Variants in ELF3 observed in about 807,000 individuals in gnomAD.
ELF3 encodes ETS-related transcription factor Elf-3.
In ELF3, 18 loss-of-function variants were observed where a neutral mutation model predicts 43.9. The ratio of observed to expected loss-of-function variants is 0.41; its 90% CI spans 0.28 to 0.61. The LOEUF (loss-of-function observed/expected upper bound fraction) is 0.61, where lower values mean the gene tolerates loss of function less well. Among genes scored for constraint, ELF3 ranks in the 20% least tolerant of loss-of-function variants. ELF3 has a pLI of 0.30. For synonymous variants in ELF3, 181 were observed against 190.2 expected, an observed-to-expected ratio of 0.95 and a Z score of 0.40; for missense variants, 373 against 487.7, an observed-to-expected ratio of 0.76 and a Z score of 2.21.
chr1:202,015,360 A>G lies in ELF3; in HGVS notation c.*37A>G. On this transcript the variant is annotated 3_prime_UTR_variant, in exon 9 of 9. Coordinates refer to ENST00000367284, the MANE Select transcript of ELF3 (RefSeq NM_004433.5). Reference sequence around the variant, plus strand: ...ATACCCGGGACCAAACTCACGGACCACTCGAGGCCTGCAAACCTTCCTGGG... The same window carrying G: ...ATACCCGGGACCAAACTCACGGACCGCTCGAGGCCTGCAAACCTTCCTGGG... The G allele has an allele frequency of 6.2e-7, 1 of 1,606,052 alleles. No individual in the cohort carries two copies. The highest frequency in any genetic ancestry group is 1.1e-5 in the South Asian group (1 of 90,706).
chr1:202,012,002 C>T lies in ELF3; in HGVS notation c.209C>T (p.Thr70Met), dbSNP rs141663834. Residue 70 changes from threonine (T) to methionine (M), a missense_variant, in exon 3 of 9, where the codon ACG becomes ATG. Around this residue, in one of 3 missense-constraint regions of ELF3, gnomAD observed 311 missense variants for 351.2 expected, o/e 0.89. Transcript: ENST00000367284. The surrounding 1 kb of genome is among the most constrained non-coding windows in gnomAD (Gnocchi z 4.2). ...LGEQPQFWSK[T>M]QVLDWISYQV... ...GAACAGCCCCAGTTCTGGTCGAAGA[C>T]GCAGGTTCTGGACTGGATCAGCTAC... The T allele has an allele frequency of 7.9e-5, 128 of 1,614,136 alleles. No homozygotes were observed. Among genetic ancestry groups the T allele is most frequent in the African/African-American group, 5.5e-4 (41 of 75,060 alleles).
At position 202,013,224 on chromosome 1, in the gene ELF3, A is replaced by G; in HGVS notation, c.731A>G (p.Lys244Arg). Residue 244 changes from lysine to arginine, a missense_variant, in exon 7 of 9, where the codon AAG (lysine) becomes AGG (arginine). This residue lies in a region of ELF3 where 311 missense variants were observed against 351.2 expected (regional missense o/e 0.89). Coordinates refer to ENST00000367284, the MANE Select transcript of ELF3 (RefSeq NM_004433.5). The surrounding 1 kb of genome is among the most constrained non-coding windows in gnomAD (Gnocchi z 5.7). ...DCKKGDPKHG[K>R]RKRGRPRKLS... ...AAGAAGGGGGATCCCAAGCACGGGAAGCGGAAACGAGGCCGGCCCCGAAAG... is the reference window on the plus strand; with the variant it reads ...AAGAAGGGGGATCCCAAGCACGGGAGGCGGAAACGAGGCCGGCCCCGAAAG... The G allele has an allele frequency of 6.2e-7, 1 of 1,614,082 alleles. No homozygotes were observed. Among genetic ancestry groups the G allele is most frequent in the African/African-American group, 1.3e-5 (1 of 75,022 alleles).
rs2102995899 is a variant in ELF3 at position 202,016,529 on chromosome 1, A to C, written c.*1206A>C. ...TTAGGATCTTGTAAAGGAAAAAAAA[A>C]AAAAAACAAAACAAAATGGAGATGA... On this transcript the variant is annotated 3_prime_UTR_variant, in exon 9 of 9. Transcript: ENST00000367284. The C allele has an allele frequency of 6.6e-6, 1 of 152,036 alleles. No individual in the cohort carries two copies. Among genetic ancestry groups the C allele is most frequent in the African/African-American group, 2.4e-5 (1 of 41,510 alleles). The allele number at this position is 152,036 out of a possible 1,614,324, so 9.4% of individuals were successfully genotyped here.
chr1:202,013,396 G>C lies in ELF3; in HGVS notation c.805+98G>C. The stretch of plus-strand genomic sequence containing the variant: ...AGGTATCCCTTCTCCCGTTTTCTCT[G>C]GCCTCCGCATGGCCTTTGGTAAGGC... On this transcript the variant is annotated intron_variant, in intron 7 of 8. Coordinates refer to ENST00000367284, the MANE Select transcript of ELF3 (RefSeq NM_004433.5). This position sits in a 1 kb window ranked among gnomAD's most constrained non-coding sequence, Gnocchi z 5.7. 1 of 1,261,480 alleles carries C rather than the reference G, an allele frequency of 7.9e-7. No homozygotes were observed. Among genetic ancestry groups the C allele is most frequent in the Non-Finnish European group, 1.1e-6 (1 of 885,054 alleles). The allele number at this position is 1,261,480 out of a possible 1,614,324, so 78.1% of individuals were successfully genotyped here.
rs1205496430 is a variant in ELF3 at position 202,013,543 on chromosome 1, G to C, written c.805+245G>C. ...GGGAGGCTCATGGTACCAGAGTCCT[G>C]TCCACTGACTCCAGTGTCCTGTCCA... On this transcript the variant is annotated intron_variant, in intron 7 of 8. Transcript: ENST00000367284. This position sits in a 1 kb window ranked among gnomAD's most constrained non-coding sequence, Gnocchi z 5.7. Among the ~76,000 whole-genome samples the C allele has an allele frequency of 6.6e-6, 1 of 152,002 alleles. No individual in the cohort carries two copies. Among genetic ancestry groups the C allele is most frequent in the Admixed American group, 6.5e-5 (1 of 15,278 alleles).
In ELF3 at chr1:202,010,887, C is replaced by A; in HGVS notation, c.-9+181C>A. 1 of 511,866 alleles carries A rather than the reference C, an allele frequency of 2.0e-6. No individual in the cohort carries two copies. Among genetic ancestry groups the A allele is most frequent in the East Asian group, 3.7e-5 (1 of 27,006 alleles). The allele number at this position is 511,866 out of a possible 1,614,324, so 31.7% of individuals were successfully genotyped here. A position where few individuals can be genotyped will look rare whatever the true frequency, so the allele number is the denominator to read the frequency against. ...TGGGAAGGCAGAATGGCCATGACGC[C>A]GCTAGTCTGGCTCCAGGGCCCCAGA... On this transcript the variant is annotated intron_variant, in intron 1 of 8. Coordinates refer to ENST00000367284, the MANE Select transcript of ELF3 (RefSeq NM_004433.5). The surrounding 1 kb of genome is among the most constrained non-coding windows in gnomAD (Gnocchi z 4.3).
chr1:202,013,351 G>A lies in ELF3; in HGVS notation c.805+53G>A. The A allele has an allele frequency of 1.3e-6, 2 of 1,558,510 alleles. No homozygotes were observed. Among genetic ancestry groups the A allele is most frequent in the South Asian group, 1.1e-5 (1 of 88,322 alleles). Reference sequence around the variant, plus strand: ...CCTGCGCCGGGCTGAGCGGCTTCCTGGGGCACTGCGGGTTGTTGCAGGTAT... The same window carrying A: ...CCTGCGCCGGGCTGAGCGGCTTCCTAGGGCACTGCGGGTTGTTGCAGGTAT... On this transcript the variant is annotated intron_variant, in intron 7 of 8. Coordinates refer to ENST00000367284, the MANE Select transcript of ELF3 (RefSeq NM_004433.5). The surrounding 1 kb of genome is among the most constrained non-coding windows in gnomAD (Gnocchi z 5.7).
Position 202,012,414 on chromosome 1 carries a change from G to A in ELF3, c.456G>A (p.Glu152=), listed in dbSNP as rs1684223342. ...LLEKDGMAFQ[E]ALDPGPFDQG... Reference sequence around the variant, plus strand: ...AGAAGGATGGCATGGCCTTCCAGGAGGCCCTAGACCCAGGGCCCTTTGGTG... The same window carrying A: ...AGAAGGATGGCATGGCCTTCCAGGAAGCCCTAGACCCAGGGCCCTTTGGTG... The change falls in exon 4 of 9, where the codon GAG becomes GAA. Residue 152 remains glutamate, a synonymous_variant. Coordinates refer to ENST00000367284, the MANE Select transcript of ELF3 (RefSeq NM_004433.5). The surrounding 1 kb of genome is among the most constrained non-coding windows in gnomAD (Gnocchi z 4.2). The A allele has an allele frequency of 1.2e-6, 2 of 1,613,968 alleles. No individual in the cohort carries two copies. Among genetic ancestry groups the A allele is most frequent in the Non-Finnish European group, 1.7e-6 (2 of 1,180,002 alleles).
intron 8 of ELF3, 40 bp downstream of exon 8, chr1:202,014,064 T>C (rs749538401): frequency 6.4e-7 from 1 of 1,568,752 alleles, no homozygotes; most frequent in East Asian, 2.3e-5. Flanking sequence ...CAGCCGGACA[T>C]GGGGACAGGC....
intron 2 of ELF3, 76 bp downstream of exon 2, chr1:202,011,375 A>G (rs569943906): frequency 1.3e-6 from 2 of 1,481,750 alleles, no homozygotes; most frequent in Non-Finnish European, 1.8e-6. Flanking sequence ...CAAATGGGGG[A>G]ATAGGCAGGG....
Position 202,012,586 on chromosome 1 carries a change from C to T in ELF3, c.479-54C>T. On this transcript the variant is annotated intron_variant, in intron 4 of 8. Transcript: ENST00000367284. The surrounding 1 kb of genome is among the most constrained non-coding windows in gnomAD (Gnocchi z 4.2). ...TCATCAGACCCATGGGCAGCATCAC[C>T]TGTCCTGGTCTGGTCCCCTGAGCCC... 6.5e-7 allele frequency: 1 copy of T among 1,547,804 alleles called. No homozygotes were observed. The highest frequency in any genetic ancestry group is 8.7e-7 in the Non-Finnish European group (1 of 1,147,480).
intron 8 of ELF3, chr1:202,014,831 CT>C (rs201475603): frequency 0.025 from 4,835 of 194,490 alleles, 87 homozygotes; most frequent in African/African-American, 0.055. Flanking sequence ...TGGTCTCGAA[CT>C]CCTGACCTCA....
chr1:202,016,608 CTT>C lies in ELF3; in HGVS notation c.*1289_*1290del, dbSNP rs1684313924. ...AGTTGGCATTTGTTGAAAGTGTAGT[CTT>C]TTTCTCTTTTTTTTTTAATTGCAAC... On this transcript the variant is annotated 3_prime_UTR_variant, in exon 9 of 9. Transcript: ENST00000367284. 2 of 150,156 alleles carry C rather than the reference CTT, an allele frequency of 1.3e-5. No individual in the cohort carries two copies. Among genetic ancestry groups the C allele is most frequent in the Non-Finnish European group, 3.0e-5 (2 of 67,700 alleles). 9.3% of individuals were successfully genotyped at this position (150,156 alleles called of 1,614,324 possible). A position where few individuals can be genotyped will look rare whatever the true frequency, so the allele number is the denominator to read the frequency against.
At chr1:202,011,374 G>A (rs1040948246) in intron 2 of ELF3, 75 bp downstream of exon 2, 7 of 1,479,706 alleles carry the variant, frequency 4.7e-6, no homozygotes, top group Non-Finnish European at 6.3e-6. Context: ...ACAAATGGGG[G>A]AATAGGCAGG....
intron 8 of ELF3, 75 bp downstream of exon 8, chr1:202,014,099 C>G (rs535401575): frequency 8.7e-5 from 129 of 1,482,472 alleles, no homozygotes; most frequent in African/African-American, 2.1e-4. Context: ...CGCCCTCTTT[C>G]TGGCTGCCAC....
At chr1:202,011,407 C>T in intron 2 of ELF3, 108 bp downstream of exon 2, 1 of 1,372,874 alleles carries the variant, frequency 7.3e-7, no homozygotes, top group Non-Finnish European at 9.7e-7. Flanking sequence ...TAGGCAAATT[C>T]CAGGGCTAGA....
chr1:202,012,808 G>T lies in ELF3; in HGVS notation c.598+49G>T. On this transcript the variant is annotated intron_variant, in intron 5 of 8. Transcript: ENST00000367284. This position sits in a 1 kb window ranked among gnomAD's most constrained non-coding sequence, Gnocchi z 4.2. ...ACCTCCCTTCCCCGAAGTGTCCCTTGTTCCCTCTGGCTCCCAGCACCATAA... is the reference window on the plus strand; with the variant it reads ...ACCTCCCTTCCCCGAAGTGTCCCTTTTTCCCTCTGGCTCCCAGCACCATAA... 1 of 1,538,054 alleles carries T rather than the reference G, an allele frequency of 6.5e-7. No homozygotes were observed. The highest frequency in any genetic ancestry group is 8.8e-7 in the Non-Finnish European group (1 of 1,142,676).
chr1:202,010,616 G>C lies in ELF3; in HGVS notation c.-99G>C, dbSNP rs1159157033. 1 of 156,852 alleles carries C rather than the reference G, an allele frequency of 6.4e-6. No homozygotes were observed. The highest frequency in any genetic ancestry group is 6.1e-5 in the Admixed American group (1 of 16,276). The allele number at this position is 156,852 out of a possible 1,614,324, so 9.7% of individuals were successfully genotyped here. A position where few individuals can be genotyped will look rare whatever the true frequency, so the allele number is the denominator to read the frequency against. On this transcript the variant is annotated 5_prime_UTR_variant, in exon 1 of 9. Transcript: ENST00000367284. This position sits in a 1 kb window ranked among gnomAD's most constrained non-coding sequence, Gnocchi z 4.3. ...TCTATTTAGAGCCGGGTAGGGGAGC[G>C]CAGCGGCCAGATACCTCAGCGCTAC... is the stretch of plus-strand genomic sequence containing the variant.
rs772761178 is a variant in ELF3, at chr1:202,013,780, G to C, written c.806-49G>C. The C allele has an allele frequency of 6.4e-6, 10 of 1,569,442 alleles. No homozygotes were observed. Among genetic ancestry groups the C allele is most frequent in the Non-Finnish European group, 8.7e-6 (10 of 1,155,036 alleles). On this transcript the variant is annotated intron_variant, in intron 7 of 8. Transcript: ENST00000367284. This position sits in a 1 kb window ranked among gnomAD's most constrained non-coding sequence, Gnocchi z 5.7. ...GGGCGGGCAGGGCTGGCTGGCCTTG[G>C]GTGAGAGGGGACACCTGGATGGCAA... is the stretch of plus-strand genomic sequence containing the variant.
Sources: gnomAD v4.1 joint callset for allele counts (sites outside exome capture counted in the v4.1 genomes callset) on GRCh38, gnomAD v4.1.1 for gene constraint, gnomAD v4.1.1 regional missense constraint, Gnocchi (gnomAD v3.1) non-coding constraint, MANE v1.5 for transcripts, NCBI Gene and HGNC (gene_info 2026-07-23, HGNC 2026-07-21) for gene names.